The following MAP3K13 variants were observed in gnomAD, a reference collection of about 807,000 sequenced individuals.
The protein encoded by MAP3K13 is leucine zipper-bearing kinase.
A neutral mutation model predicts 104.0 loss-of-function variants in MAP3K13; 52 were observed. The ratio of observed to expected loss-of-function variants is 0.50; its 90% confidence interval spans 0.40 to 0.63. The LOEUF (loss-of-function observed/expected upper bound fraction) is 0.63, where lower values mean the gene tolerates loss of function less well. Ranked by LOEUF, MAP3K13 falls within the 20% of genes least tolerant of loss-of-function variation. The pLI is 0.00. For missense variants in MAP3K13, 914 were observed against 1,218.5 expected (o/e 0.75, Z 3.72); for synonymous variants, 394 against 442.2 (o/e 0.89, Z 1.37).
chr3:185,479,543 G>A (rs1320884169), intron 12 of MAP3K13, among the ~76,000 whole-genome samples: 1 of 152,186 alleles, frequency 6.6e-6, no homozygotes, highest in Non-Finnish European at 1.5e-5. Flanking sequence ...ATGCATATAT[G>A]TACATAACGT....
chr3:185,319,019 C>T (rs1721770242), intron 2 of MAP3K13, among the ~76,000 whole-genome samples: 1 of 152,094 alleles, frequency 6.6e-6, no homozygotes, highest in Non-Finnish European at 1.5e-5. Context: ...ATGGTTTTAT[C>T]ACATTTCTAT....
intron 2 of MAP3K13, among the ~76,000 whole-genome samples, chr3:185,347,742 C>T (rs1222076434): frequency 2.6e-5 from 4 of 152,088 alleles, no homozygotes; most frequent in South Asian, 2.1e-4. Context: ...GGCGTAGTGG[C>T]GCACACCTGT....
At chr3:185,452,122 A>T (rs1048060159) in intron 7 of MAP3K13, among the ~76,000 whole-genome samples, 8 of 152,188 alleles carry the variant, frequency 5.3e-5, no homozygotes, top group African/African-American at 1.9e-4. Flanking sequence ...CTCAGCCTAG[A>T]GAGAACCTTT....
chr3:185,392,803 C>G (rs924791584), intron 1 of MAP3K13, among the ~76,000 whole-genome samples: 2 of 152,068 alleles, frequency 1.3e-5, no homozygotes, highest in African/African-American at 4.8e-5. Flanking sequence ...AATCCCAGCA[C>G]TTTGGGAGCC....
chr3:185,382,643 G>T (rs1377769759), intron 1 of MAP3K13, among the ~76,000 whole-genome samples: 1 of 152,048 alleles, frequency 6.6e-6, no homozygotes, highest in Admixed American at 6.6e-5. Flanking sequence ...GAAGAGCTTG[G>T]CACCATCCTC....
rs1715427818 is a variant in MAP3K13, at chr3:185,443,359, A to G, written c.660-86A>G. ...CATTTTTAAAATAATTCGGGTATAG[A>G]ATTGGTTTTTATTAAATATTCTTTA... On this transcript the variant is annotated intron_variant, in intron 3 of 13. Coordinates refer to ENST00000265026, the MANE Select transcript of MAP3K13 (RefSeq NM_004721.5). 3 of 867,220 alleles carry G rather than the reference A, an allele frequency of 3.5e-6. No individual in the cohort carries two copies. The South Asian group carries it at 7.7e-5, about 22-fold the overall frequency. The allele number at this position is 867,220 out of a possible 1,614,324, so 53.7% of individuals were successfully genotyped here. A position where few individuals can be genotyped will look rare whatever the true frequency, so the allele number is the denominator to read the frequency against.
At chr3:185,342,252 A>T (rs7430319) in intron 2 of MAP3K13, among the ~76,000 whole-genome samples, 116,853 of 152,032 alleles carry the variant, frequency 0.77, 45,570 homozygotes, top group Middle Eastern at 0.84. Flanking sequence ...CTGTATGAGA[A>T]AATAAATGTT....
rs1343391018 is a variant in MAP3K13, at chr3:185,455,729, T to G, written c.1278+4334T>G. 1.0e-4 allele frequency among the ~76,000 whole-genome samples: 5 copies of G among 49,486 alleles called. No homozygotes were observed. In the East Asian group the frequency reaches 1.3e-3, roughly 13 times the overall value. 32.5% of individuals were successfully genotyped at this position (49,486 alleles called of 152,430 possible). On this transcript the variant is annotated intron_variant, in intron 7 of 13. Transcript: ENST00000265026. The stretch of plus-strand genomic sequence containing the variant: ...AGATATATATGAGATATATATGATA[T>G]ATATATGAGATATATATATGATATA...
intron 12 of MAP3K13, among the ~76,000 whole-genome samples, chr3:185,478,912 TTAGAC>T (rs1718292761): frequency 1.3e-5 from 2 of 151,730 alleles, no homozygotes; most frequent in Non-Finnish European, 2.9e-5. Flanking sequence ...ACAAAACTCT[TTAGAC>T]TAAGAAATAC....
At chr3:185,455,285 A>T (rs202171312) in intron 7 of MAP3K13, among the ~76,000 whole-genome samples, 8 of 20,222 alleles carry the variant, frequency 4.0e-4, no homozygotes, top group South Asian at 3.4e-3. Context: ...GAGATATATG[A>T]GATATATATA....
chr3:185,374,331 G>T (rs1196864467), intron 1 of MAP3K13, among the ~76,000 whole-genome samples: 2 of 152,122 alleles, frequency 1.3e-5, no homozygotes, highest in Admixed American at 6.5e-5. Context: ...GAGAGATAAT[G>T]GGCGATGTTT....
At chr3:185,459,132 T>A (rs974581907) in intron 7 of MAP3K13, among the ~76,000 whole-genome samples, 1 of 152,162 alleles carries the variant, frequency 6.6e-6, no homozygotes, top group Non-Finnish European at 1.5e-5. Context: ...ATGCAGGGAC[T>A]GGGAGTTGCG....
intron 1 of MAP3K13, among the ~76,000 whole-genome samples, chr3:185,408,034 T>C (rs2108783144): frequency 6.6e-6 from 1 of 152,002 alleles, no homozygotes; most frequent in Admixed American, 6.6e-5. Flanking sequence ...GAGCCACTTT[T>C]TTTTTCTGCC....
chr3:185,478,284 C>T (rs1214742945), intron 12 of MAP3K13, among the ~76,000 whole-genome samples: 1 of 151,972 alleles, frequency 6.6e-6, no homozygotes, highest in African/African-American at 2.4e-5. Flanking sequence ...GTTTTCCTAC[C>T]AAGAGGTCTT....
intron 2 of MAP3K13, chr3:185,293,059 G>A (rs369419424): frequency 1.2e-5 from 12 of 983,466 alleles, no homozygotes; most frequent in Admixed American, 6.2e-5. Context: ...TAAATAAAAT[G>A]TACTTTTTTT....
At chr3:185,455,101 ATG>A (rs1159839079) in intron 7 of MAP3K13, among the ~76,000 whole-genome samples, 5 of 118,476 alleles carry the variant, frequency 4.2e-5, no homozygotes, top group South Asian at 2.7e-4. Flanking sequence ...TATGAGATAT[ATG>A]TGAGATATAT....
Position 185,383,065 on chromosome 3 carries a change from T to C in MAP3K13, c.-86+19697T>C, listed in dbSNP as rs555677399. On this transcript the variant is annotated intron_variant, in intron 1 of 13. Coordinates refer to ENST00000265026, the MANE Select transcript of MAP3K13 (RefSeq NM_004721.5). ...TGTGATGTTCCCCTTCCTGTGTCCA[T>C]GTGTTCTCATTGTTCAATTCCCACC... Among the ~76,000 whole-genome samples the C allele has an allele frequency of 2.9e-5, 4 of 138,004 alleles. No homozygotes were observed. In the South Asian group the frequency reaches 1.0e-3, roughly 36 times the overall value. 90.5% of individuals were successfully genotyped at this position (138,004 alleles called of 152,430 possible). A position where few individuals can be genotyped will look rare whatever the true frequency, so the allele number is the denominator to read the frequency against.
intron 1 of MAP3K13, among the ~76,000 whole-genome samples, chr3:185,394,966 A>G (rs2108771299): frequency 6.6e-6 from 1 of 152,304 alleles, no homozygotes. Context: ...AGCATAATAG[A>G]TGACTTCATG....
At chr3:185,376,451 G>A (rs772505190) in intron 1 of MAP3K13, among the ~76,000 whole-genome samples, 2 of 152,190 alleles carry the variant, frequency 1.3e-5, no homozygotes, top group Non-Finnish European at 1.5e-5. Context: ...AGGTCAAGTT[G>A]TTTGGACAGA....
Sources: allele counts gnomAD v4.1 joint callset (sites outside exome capture counted in the v4.1 genomes callset), GRCh38; gene constraint gnomAD v4.1.1; transcripts MANE v1.5; gene names NCBI Gene and HGNC (gene_info 2026-07-23, HGNC 2026-07-21).